USP4: variants seen among roughly 807,000 people sequenced by gnomAD.
USP4 encodes ubiquitin specific peptidase 4, also known as ubiquitin carboxyl-terminal hydrolase 4.
Under a neutral mutation model 118.2 loss-of-function variants are expected in USP4, and 72 were observed. That is an observed-to-expected ratio of 0.61 (90% CI 0.50 to 0.74). USP4 has a LOEUF of 0.74. USP4 is among the 30% of genes least tolerant of loss of function. The probability of loss-of-function intolerance (pLI) is 0.00; values close to 1 mark genes in which losing one functional copy is unlikely to be tolerated. For synonymous variants in USP4, 415 were observed against 440.4 expected, an observed-to-expected ratio of 0.94 and a Z score of 0.72; for missense variants, 1,037 against 1,185.7, an observed-to-expected ratio of 0.87 and a Z score of 1.84.
chr3:49,278,229 G>A lies in USP4; in HGVS notation c.*64C>T. On this transcript the variant is annotated 3_prime_UTR_variant, in exon 22 of 22. Transcript: ENST00000265560. ...ACAGAACACTAGCAGTCTGCAGAGT[G>A]TCAAAGATGTTCTCCTGGGGGATTA... 6.4e-7 allele frequency: 1 copy of A among 1,566,962 alleles called. No individual in the cohort carries two copies. The highest frequency in any genetic ancestry group is 8.6e-7 in the Non-Finnish European group (1 of 1,156,920).
At chr3:49,291,770 G>A (rs1355989314) in intron 15 of USP4, among the ~76,000 whole-genome samples, 1 of 151,762 alleles carries the variant, frequency 6.6e-6, no homozygotes, top group Admixed American at 6.6e-5. Context: ...CTTCAGGTCA[G>A]GAGTTCAAGA....
Position 49,310,701 on chromosome 3 carries a change from C to T in USP4, c.873G>A (p.Glu291=). The T allele has an allele frequency of 6.2e-7, 1 of 1,614,110 alleles. No homozygotes were observed. The part of the protein sequence containing the change: ...SGFSASYNCQ[E]PPSSHIQPGL... Reference sequence around the variant, plus strand: ...CAGGTTGTATATGAGAGGATGGTGGCTCCTGACAATTATACGAAGCAGAAA... The same window carrying T: ...CAGGTTGTATATGAGAGGATGGTGGTTCCTGACAATTATACGAAGCAGAAA... Residue 291 remains glutamate (E), a synonymous_variant, in exon 8 of 22, where the codon GAG becomes GAA. Transcript: ENST00000265560.
In USP4 at chr3:49,277,999, G is replaced by C. The variant is rs528233274; in HGVS notation, c.*294C>G. ...GCGCCTGTGTTCCTCTCCATTCTTC[G>C]GGATCCATCAGACATACTCCATTGA... On this transcript the variant is annotated 3_prime_UTR_variant, in exon 22 of 22. Transcript: ENST00000265560. The C allele has an allele frequency of 1.5e-4, 66 of 443,578 alleles. No homozygotes were observed. The highest frequency in any genetic ancestry group is 2.3e-4 in the Non-Finnish European group (59 of 254,278). The allele number at this position is 443,578 out of a possible 1,614,324, so 27.5% of individuals were successfully genotyped here.
At chr3:49,284,264 C>A in intron 18 of USP4, 128 bp from the exon 19 acceptor site, 1 of 1,326,114 alleles carries the variant, frequency 7.5e-7, no homozygotes, top group Non-Finnish European at 1.0e-6. Flanking sequence ...AACACTACTG[C>A]TTCTGGCCAG....
intron 2 of USP4, among the ~76,000 whole-genome samples, chr3:49,328,808 C>T (rs778475480): frequency 6.6e-6 from 1 of 151,678 alleles, no homozygotes. Context: ...TGCAGTGAGC[C>T]GAGATACCCC....
At chr3:49,338,662 CA>C (rs1184984948) in intron 1 of USP4, among the ~76,000 whole-genome samples, 3,926 of 52,852 alleles carry the variant, frequency 0.074, 146 homozygotes, top group African/African-American at 0.21. Context: ...AATTCCTTCT[CA>C]AAAAAAAAAA....
At position 49,308,169 on chromosome 3, in the gene USP4, A is replaced by AG. The variant is rs554845089; in HGVS notation, c.955-2282dup. On this transcript the variant is annotated intron_variant, in intron 8 of 21. Transcript: ENST00000265560. ...GGATAACCTAACAATACAATTTTGG[A>AG]GGTGGAGAAGAGGCTGATCAGAACT... Among the ~76,000 whole-genome samples, 679 of 152,066 alleles carry AG rather than the reference A, an allele frequency of 4.5e-3. 1 individual carries two copies. The highest frequency in any genetic ancestry group is 6.9e-3 in the Non-Finnish European group (467 of 67,976).
rs768073656 is a variant in USP4 at position 49,284,924 on chromosome 3, G to C, written c.2201-5C>G. 4.6e-6 allele frequency: 7 copies of C among 1,511,564 alleles called. 1 individual carries two copies. Among genetic ancestry groups the C allele is most frequent in the Non-Finnish European group, 3.5e-6 (4 of 1,131,892 alleles). The allele number at this position is 1,511,564 out of a possible 1,614,324, so 93.6% of individuals were successfully genotyped here. A position where few individuals can be genotyped will look rare whatever the true frequency, so the allele number is the denominator to read the frequency against. On this transcript the variant is annotated splice_region_variant and splice_polypyrimidine_tract_variant and intron_variant, in intron 16 of 21. Transcript: ENST00000265560. The stretch of plus-strand genomic sequence containing the variant: ...CCATGGCCAGTGTAGATCGAGCTGA[G>C]GAGGACCAAAATGTCACTTGTTATG...
intron 16 of USP4, among the ~76,000 whole-genome samples, chr3:49,285,275 T>C (rs1490940243): frequency 6.6e-6 from 1 of 150,916 alleles, no homozygotes; most frequent in African/African-American, 2.4e-5. Context: ...AGACATTGGA[T>C]AGAGCAGGAA....
At chr3:49,321,669 A>G (rs35869135) in intron 6 of USP4, among the ~76,000 whole-genome samples, 24,211 of 151,928 alleles carry the variant, frequency 0.16, 2,106 homozygotes, top group Non-Finnish European at 0.17. Flanking sequence ...GGGTTTCAGC[A>G]TGTTGGCCAG....
intron 2 of USP4, among the ~76,000 whole-genome samples, chr3:49,334,295 T>C (rs907446205): frequency 3.9e-5 from 6 of 152,198 alleles, no homozygotes; most frequent in South Asian, 4.1e-4. Context: ...TTCATAAAAA[T>C]GAGAAAAAGA....
chr3:49,323,751 G>A (rs1464030068), intron 6 of USP4, among the ~76,000 whole-genome samples: 6 of 152,108 alleles, frequency 3.9e-5, no homozygotes, highest in African/African-American at 9.7e-5. Context: ...AGGACAGAGC[G>A]CAACATTATT....
rs1454035451 is a variant in USP4 at position 49,300,690 on chromosome 3, A to C, written c.1289T>G (p.Val430Gly). The C allele has an allele frequency of 1.2e-6, 2 of 1,613,676 alleles. No individual in the cohort carries two copies. Among genetic ancestry groups the C allele is most frequent in the Admixed American group, 3.3e-5 (2 of 59,964 alleles). ...LKDANGRPDA[V>G]VAKEAWENHR... ...ATTCTCCCAGGCTTCCTTTGCCACC[A>C]CCTGCGTCAAAGGGATAAACAGGAC... The change falls in exon 11 of 22, where the codon GTG becomes GGG. Residue 430 changes from valine to glycine, a missense_variant and splice_region_variant. Transcript: ENST00000265560.
At chr3:49,298,286 A>G (rs1242065215) in intron 12 of USP4, among the ~76,000 whole-genome samples, 1 of 152,178 alleles carries the variant, frequency 6.6e-6, no homozygotes, top group Non-Finnish European at 1.5e-5. Context: ...CCCTCAGTGC[A>G]CAGATCTGAC....
intron 21 of USP4, 115 bp downstream of exon 21, chr3:49,278,699 C>T: frequency 1.1e-6 from 1 of 923,928 alleles, no homozygotes; most frequent in Non-Finnish European, 1.7e-6. Context: ...CTCTGTCACA[C>T]CTAGCTCCCA....
At chr3:49,330,199 C>A (rs1413851165) in intron 2 of USP4, among the ~76,000 whole-genome samples, 1 of 150,316 alleles carries the variant, frequency 6.7e-6, no homozygotes, top group African/African-American at 2.5e-5. Context: ...AACAAACAAA[C>A]AAAAAAAGTT....
Position 49,336,165 on chromosome 3 carries a change from CTTTTTTTTTTTT to C in USP4, c.102-581_102-570del, listed in dbSNP as rs34604530. 4.8e-5 allele frequency among the ~76,000 whole-genome samples: 4 copies of C among 83,000 alleles called. No individual in the cohort carries two copies. The Admixed American group carries it at 6.7e-4, about 14-fold the overall frequency. The allele number at this position is 83,000 out of a possible 152,430, so 54.5% of individuals were successfully genotyped here. A position where few individuals can be genotyped will look rare whatever the true frequency, so the allele number is the denominator to read the frequency against. On this transcript the variant is annotated intron_variant, in intron 1 of 21. Coordinates refer to ENST00000265560, the MANE Select transcript of USP4 (RefSeq NM_003363.4). ...AGGCATGAGCCACTGCACCTGGCCT[CTTTTTTTTTTTT>C]TTTTTTTTTTGAGACGGAGTTTTCG...
Position 49,286,269 on chromosome 3 carries a change from T to C in USP4, c.2029A>G (p.Thr677Ala). ...GGCTCATCTTCCCCACTGCCTTCTG[T>C]TTCTGAAAGCTGCTCTTTGCCTTCT... ...QEEGKEQLSETEGSGEDEPGN... is the reference protein window; with the variant it reads ...QEEGKEQLSEAEGSGEDEPGN... The change falls in exon 16 of 22, where the codon ACA (threonine) becomes GCA (alanine). Residue 677 changes from threonine (T) to alanine (A), a missense_variant. Coordinates refer to ENST00000265560, the MANE Select transcript of USP4 (RefSeq NM_003363.4). 1 of 1,614,166 alleles carries C rather than the reference T, an allele frequency of 6.2e-7. No homozygotes were observed. The highest frequency in any genetic ancestry group is 8.5e-7 in the Non-Finnish European group (1 of 1,180,028).
At chr3:49,298,881 T>C (rs546009156) in intron 11 of USP4, among the ~76,000 whole-genome samples, 1 of 152,354 alleles carries the variant, frequency 6.6e-6, no homozygotes, top group South Asian at 2.1e-4. Context: ...CTTCATTTTA[T>C]TCTTAATTCT....
Sources: gnomAD v4.1 joint callset for allele counts (sites outside exome capture counted in the v4.1 genomes callset) on GRCh38, gnomAD v4.1.1 for gene constraint, MANE v1.5 for transcripts, NCBI Gene and HGNC (gene_info 2026-07-23, HGNC 2026-07-21) for gene names.